Variants in CLIC5 observed in about 807,000 individuals in gnomAD.
The protein encoded by CLIC5 is CLIC family member 5, also known as chloride intracellular channel protein 5.
A neutral mutation model predicts 24.7 loss-of-function variants in CLIC5; 20 were observed. The ratio of observed to expected loss-of-function variants is 0.81; its 90% confidence interval spans 0.57 to 1.18. The LOEUF (loss-of-function observed/expected upper bound fraction) is 1.18, where lower values mean the gene tolerates loss of function less well. CLIC5 is among the 50% of genes most tolerant of loss of function. The pLI is 0.00. For missense variants in CLIC5, 341 were observed against 326.1 expected, an observed-to-expected ratio of 1.05 and a Z score of -0.35; for synonymous variants, 159 against 135.6, an observed-to-expected ratio of 1.17 and a Z score of -1.20.
At chr6:46,004,527 C>G (rs931320485) in intron 1 of CLIC5, among the ~76,000 whole-genome samples, 19 of 152,112 alleles carry the variant, frequency 1.2e-4, no homozygotes, top group African/African-American at 4.1e-4. Context: ...TGGAGGGAGT[C>G]CAAGTGGGGG....
rs145089764 is a variant in CLIC5 at position 45,886,977 on chromosome 6, G to T, written c.624-5789C>A. ...GAATGTTTCTAGATGATGCCAGAGAGGGGGCATGGACCAGTCACCTGGTCT... is the reference window on the plus strand; with the variant it reads ...GAATGTTTCTAGATGATGCCAGAGATGGGGCATGGACCAGTCACCTGGTCT... On this transcript the variant is annotated intron_variant, in intron 6 of 6. Coordinates refer to the CLIC5 transcript ENST00000644324. Among the ~76,000 whole-genome samples the T allele has an allele frequency of 2.8e-3, 420 of 152,318 alleles. 4 individuals carry two copies. The highest frequency in any genetic ancestry group is 9.6e-3 in the African/African-American group (399 of 41,556).
rs535878800 is a variant in CLIC5 at position 46,040,745 on chromosome 6, A to G, written c.540+38958T>C. ...CTGTGGTGCAGGGGGCAATGGTGAT[A>G]GTATTGTGGTTTTTTTAAAAAAAGC... On this transcript the variant is annotated intron_variant, in intron 1 of 5. Coordinates refer to the CLIC5 transcript ENST00000185206. Among the ~76,000 whole-genome samples the G allele has an allele frequency of 3.9e-5, 6 of 152,180 alleles. No homozygotes were observed. The East Asian group carries it at 1.2e-3, about 29-fold the overall frequency.
intron 4 of CLIC5, among the ~76,000 whole-genome samples, chr6:45,929,322 G>A (rs1286608801): frequency 2.0e-5 from 3 of 152,278 alleles, no homozygotes; most frequent in South Asian, 2.1e-4. Flanking sequence ...GGAAGCATTT[G>A]CCCACTCCTC....
intron 1 of CLIC5, among the ~76,000 whole-genome samples, chr6:46,028,106 A>G (rs907550656): frequency 2.4e-4 from 36 of 152,210 alleles, no homozygotes; most frequent in African/African-American, 8.2e-4. Flanking sequence ...GAAGCCTCCC[A>G]ACATTAATGT....
At chr6:45,917,927 T>A (rs1023186301) in intron 4 of CLIC5, among the ~76,000 whole-genome samples, 1 of 152,178 alleles carries the variant, frequency 6.6e-6, no homozygotes. Context: ...ACATAATTAC[T>A]CTGAGTAGTT....
chr6:45,974,497 G>GTGTATATATATATATA lies in CLIC5; in HGVS notation c.64-19254_64-19253insTATATATATATATACA, dbSNP rs1192750031. On this transcript the variant is annotated intron_variant, in intron 1 of 5. Coordinates refer to ENST00000339561, the MANE Select transcript of CLIC5 (RefSeq NM_016929.5). The stretch of plus-strand genomic sequence containing the variant: ...AGTGTTTACTACTGTGTGTGTGTGT[G>GTGTATATATATATATA]TATATATATATATATATATATATAT... 4.3e-4 allele frequency among the ~76,000 whole-genome samples: 33 copies of GTGTATATATATATATA among 76,110 alleles called. 4 individuals are homozygous for GTGTATATATATATATA. The highest frequency in any genetic ancestry group is 4.0e-3 in the South Asian group (6 of 1,482). 49.9% of individuals were successfully genotyped at this position (76,110 alleles called of 152,430 possible).
intron 1 of CLIC5, among the ~76,000 whole-genome samples, chr6:46,009,653 G>T (rs1021538785): frequency 6.6e-6 from 1 of 152,178 alleles, no homozygotes; most frequent in Non-Finnish European, 1.5e-5. Flanking sequence ...GATAATACGT[G>T]TGCATGTGTG....
intron 4 of CLIC5, among the ~76,000 whole-genome samples, chr6:45,920,920 C>A (rs1268777918): frequency 6.6e-6 from 1 of 152,180 alleles, no homozygotes; most frequent in Non-Finnish European, 1.5e-5. Flanking sequence ...CTGTGATGGG[C>A]AGTGTAACCA....
chr6:45,970,129 C>T (rs1227981522), intron 1 of CLIC5, among the ~76,000 whole-genome samples: 1 of 152,182 alleles, frequency 6.6e-6, no homozygotes, highest in African/African-American at 2.4e-5. Flanking sequence ...GGAGAAAGTC[C>T]TTCTCTGCCA....
intron 1 of CLIC5, among the ~76,000 whole-genome samples, chr6:45,975,857 T>C (rs1201411357): frequency 6.6e-6 from 1 of 151,296 alleles, no homozygotes; most frequent in African/African-American, 2.4e-5. Context: ...TAAAAGTCTT[T>C]GGCTTAATTT....
At chr6:45,904,455 G>A (rs576879283) in intron 5 of CLIC5, among the ~76,000 whole-genome samples, 34 of 151,730 alleles carry the variant, frequency 2.2e-4, no homozygotes, top group African/African-American at 7.7e-4. Context: ...GAAGAGCCCT[G>A]CTGTTGATTT....
chr6:45,954,775 A>G (rs1230769770), intron 2 of CLIC5, among the ~76,000 whole-genome samples: 1 of 152,188 alleles, frequency 6.6e-6, no homozygotes, highest in African/African-American at 2.4e-5. Flanking sequence ...CTCACACCTG[A>G]AGTCCTGCTA....
In CLIC5 at chr6:45,901,950, T is replaced by C. The variant is rs1176499780; in HGVS notation, c.*1138A>G. On this transcript the variant is annotated 3_prime_UTR_variant, in exon 6 of 6. Coordinates refer to ENST00000339561, the MANE Select transcript of CLIC5 (RefSeq NM_016929.5). ...GCTTTTACCCATTACAGGCTACAGT[T>C]GAATCAGGCAGGAGCAGCTGCTGGA... 6.6e-6 allele frequency: 1 copy of C among 152,508 alleles called. No homozygotes were observed. Among genetic ancestry groups the C allele is most frequent in the Non-Finnish European group, 1.5e-5 (1 of 68,010 alleles). 9.4% of individuals were successfully genotyped at this position (152,508 alleles called of 1,614,324 possible).
At chr6:46,011,451 T>C (rs74493289) in intron 1 of CLIC5, among the ~76,000 whole-genome samples, 3,325 of 152,276 alleles carry the variant, frequency 0.022, 135 homozygotes, top group African/African-American at 0.074. Flanking sequence ...GAAAATATTG[T>C]TTCAGGGTCC....
chr6:46,111,809 C>T, the CLIC5 span, among the ~76,000 whole-genome samples: 3 of 152,104 alleles, frequency 2.0e-5, no homozygotes, highest in Non-Finnish European at 2.9e-5. Context: ...GGGAAGTGAT[C>T]GAATCATGGG....
intron 1 of CLIC5, among the ~76,000 whole-genome samples, chr6:46,037,147 G>A (rs939512112): frequency 1.3e-5 from 2 of 152,096 alleles, no homozygotes; most frequent in South Asian, 2.1e-4. Context: ...GGACATCACT[G>A]TCATTCTGGC....
At chr6:45,907,791 T>C (rs1762702765) in intron 5 of CLIC5, among the ~76,000 whole-genome samples, 2 of 152,214 alleles carry the variant, frequency 1.3e-5, no homozygotes, top group South Asian at 4.1e-4. Flanking sequence ...CTGAAGTTGT[T>C]GATCAGTTCC....
At chr6:46,004,985 G>T (rs535609311) in intron 1 of CLIC5, among the ~76,000 whole-genome samples, 2 of 152,276 alleles carry the variant, frequency 1.3e-5, no homozygotes, top group African/African-American at 4.8e-5. Context: ...ATGAATAAAA[G>T]GCAGGTGAGA....
intron 4 of CLIC5, among the ~76,000 whole-genome samples, chr6:45,928,379 T>G (rs1271810766): frequency 6.6e-6 from 1 of 152,216 alleles, no homozygotes; most frequent in Non-Finnish European, 1.5e-5. Flanking sequence ...AATGAGGGAA[T>G]CTGTTCTACA....
Sources: gnomAD v4.1 joint callset for allele counts (sites outside exome capture counted in the v4.1 genomes callset) on GRCh38, gnomAD v4.1.1 for gene constraint, MANE v1.5 for transcripts, NCBI Gene and HGNC (gene_info 2026-07-23, HGNC 2026-07-21) for gene names.